CDH23: variants seen among roughly 807,000 people sequenced by gnomAD.
CDH23 encodes cadherin related 23.
Under a neutral mutation model 317.1 loss-of-function variants are expected in CDH23, and 189 were observed. The ratio of observed to expected loss-of-function variants is 0.60; its 90% CI spans 0.53 to 0.67. The LOEUF (loss-of-function observed/expected upper bound fraction) is 0.67. CDH23 is among the 30% of genes least tolerant of loss of function. The pLI, the probability that CDH23 is intolerant of heterozygous loss-of-function variation, is 0.00. For synonymous variants in CDH23, 1,839 were observed against 1,876.8 expected (o/e 0.98, Z 0.52); for missense variants, 4,401 against 4,592.4 (o/e 0.96, Z 1.20).
chr10:71,439,829 G>C lies in CDH23; in HGVS notation c.-3G>C, dbSNP rs1183500485. On this transcript the variant is annotated splice_region_variant and 5_prime_UTR_variant, in exon 2 of 70. Transcript: ENST00000224721. ...CTTCTCTTTCTTTGTGTCCCCAGGAGCCATGGGGCGCCATGTTGCCACCAG... is the reference window on the plus strand; with the variant it reads ...CTTCTCTTTCTTTGTGTCCCCAGGACCCATGGGGCGCCATGTTGCCACCAG... 3.2e-6 allele frequency: 5 copies of C among 1,561,764 alleles called. No homozygotes were observed. In the Admixed American group the frequency reaches 5.7e-5, roughly 18 times the overall value.
chr10:71,799,646 G>A lies in CDH23; in HGVS notation c.7362+17G>A. 6.2e-7 allele frequency: 1 copy of A among 1,614,012 alleles called. No homozygotes were observed. The highest frequency in any genetic ancestry group is 8.5e-7 in the Non-Finnish European group (1 of 1,179,898). ...CCCACCACGGTGAGCAGTGATGGAGGGCCTGGAATTTGGAAGTGGGAAGGA... is the reference window on the plus strand; with the variant it reads ...CCCACCACGGTGAGCAGTGATGGAGAGCCTGGAATTTGGAAGTGGGAAGGA... On this transcript the variant is annotated intron_variant, in intron 52 of 69. Transcript: ENST00000224721.
At chr10:71,520,012 T>A (rs75526706) in intron 6 of CDH23, among the ~76,000 whole-genome samples, 9,476 of 152,288 alleles carry the variant, frequency 0.062, 875 homozygotes, top group African/African-American at 0.19. Context: ...CTCACCACGC[T>A]GCCCAGGCTG....
At chr10:71,772,810 G>GAC (rs1840717714) in intron 38 of CDH23, among the ~76,000 whole-genome samples, 1 of 152,200 alleles carries the variant, frequency 6.6e-6, no homozygotes, top group Non-Finnish European at 1.5e-5. Context: ...GACCAGGTGG[G>GAC]CAGTGCTGCC....
In CDH23 at chr10:71,648,555, T is replaced by C. The variant is rs150962435; in HGVS notation, c.1449+1938T>C. On this transcript the variant is annotated intron_variant, in intron 14 of 69. Transcript: ENST00000224721. The stretch of plus-strand genomic sequence containing the variant: ...AGTTCCCATGGTCCTTGGAAAGGGA[T>C]GGGGAAAACCTATAGAGCCGGGAGG... Among the ~76,000 whole-genome samples, 663 of 152,210 alleles carry C rather than the reference T, an allele frequency of 4.4e-3. 2 individuals are homozygous for C. The highest frequency in any genetic ancestry group is 0.01 in the Middle Eastern group (3 of 294).
chr10:71,812,531 C>A lies in CDH23; in HGVS notation c.9432C>A (p.Ala3144=). The A allele has an allele frequency of 6.2e-7, 1 of 1,613,962 alleles. No individual in the cohort carries two copies. The highest frequency in any genetic ancestry group is 8.5e-7 in the Non-Finnish European group (1 of 1,179,898). ...TCTGTCGGAACCTGGAGCTGGCCGC[C>A]CAGGCGGAGCATGAGGATGACCTAC... ...DPFCRNLELA[A]QAEHEDDLPE... The change falls in exon 67 of 70, where the codon GCC becomes GCA. Residue 3144 remains alanine, a synonymous_variant. Coordinates refer to ENST00000224721, the MANE Select transcript of CDH23 (RefSeq NM_022124.6).
At chr10:71,441,322 G>A (rs545620774) in intron 2 of CDH23, among the ~76,000 whole-genome samples, 10 of 152,202 alleles carry the variant, frequency 6.6e-5, no homozygotes, top group African/African-American at 1.9e-4. Flanking sequence ...TTCGCTGCAC[G>A]GTGGGAGTCA....
At chr10:71,723,983 A>G (rs1866688594) in intron 28 of CDH23, 62 bp from the exon 29 acceptor site, 1 of 1,538,996 alleles carries the variant, frequency 6.5e-7, no homozygotes, top group Non-Finnish European at 8.8e-7. Context: ...GGAACTCTAA[A>G]AACCTCTTCT....
chr10:71,500,577 T>A (rs1384905864), intron 3 of CDH23, among the ~76,000 whole-genome samples: 3 of 152,188 alleles, frequency 2.0e-5, no homozygotes, highest in Non-Finnish European at 2.9e-5. Flanking sequence ...AGGGTCCACC[T>A]GGAGGCCGCC....
rs377312107 is a variant in CDH23, at chr10:71,815,382, G to C, written c.*104G>C. On this transcript the variant is annotated 3_prime_UTR_variant, in exon 70 of 70. Coordinates refer to ENST00000224721, the MANE Select transcript of CDH23 (RefSeq NM_022124.6). ...GGTCGGGGGGGACCCTCCAAGGCCA[G>C]GCCTTGGGGACAACCTTGGCTTGGC... is the stretch of plus-strand genomic sequence containing the variant. 250 of 1,143,036 alleles carry C rather than the reference G, an allele frequency of 2.2e-4. 1 individual carries two copies. The Middle Eastern group carries it at 2.2e-3, about 10-fold the overall frequency. The allele number at this position is 1,143,036 out of a possible 1,614,324, so 70.8% of individuals were successfully genotyped here. A position where few individuals can be genotyped will look rare whatever the true frequency, so the allele number is the denominator to read the frequency against.
chr10:71,796,416 C>A (rs2132960852), intron 48 of CDH23, among the ~76,000 whole-genome samples: 1 of 152,270 alleles, frequency 6.6e-6, no homozygotes, highest in South Asian at 2.1e-4. Flanking sequence ...GCCATGGAAC[C>A]AATGCTCCTG....
chr10:71,417,916 G>T lies in CDH23; in HGVS notation c.-6+20598G>T, dbSNP rs1848600851. Among the ~76,000 whole-genome samples the T allele has an allele frequency of 2.0e-5, 3 of 152,190 alleles. No individual in the cohort carries two copies. The South Asian group carries it at 6.2e-4, about 32-fold the overall frequency. On this transcript the variant is annotated intron_variant, in intron 1 of 69. Transcript: ENST00000224721. ...GAGCCACTGCACCCAGCTCATTCCAGTTATTTTCTGCGGGTCTATTTTCAG... is the reference window on the plus strand; with the variant it reads ...GAGCCACTGCACCCAGCTCATTCCATTTATTTTCTGCGGGTCTATTTTCAG...
intron 3 of CDH23, among the ~76,000 whole-genome samples, chr10:71,483,823 A>T (rs1305285892): frequency 6.6e-6 from 1 of 152,042 alleles, no homozygotes; most frequent in Non-Finnish European, 1.5e-5. Context: ...GTTTTGGTGT[A>T]CATGCTCACA....
intron 12 of CDH23, 111 bp downstream of exon 12, chr10:71,643,977 C>A: frequency 1.4e-6 from 1 of 708,976 alleles, no homozygotes; most frequent in South Asian, 1.5e-5. Context: ...CCCTCTCAGG[C>A]CCCCAGCTCC....
intron 9 of CDH23, among the ~76,000 whole-genome samples, chr10:71,594,743 A>G (rs780272228): frequency 4.6e-5 from 7 of 152,090 alleles, no homozygotes; most frequent in Non-Finnish European, 8.8e-5. Flanking sequence ...TGAAATATTC[A>G]CTATAGCCCT....
intron 41 of CDH23, 31 bp downstream of exon 41, chr10:71,779,478 G>A: frequency 1.9e-6 from 3 of 1,565,998 alleles, no homozygotes; most frequent in Non-Finnish European, 1.7e-6. Context: ...GCCACCCACA[G>A]GGTCTCACCT....
chr10:71,740,838 G>A lies in CDH23; in HGVS notation c.4505G>A (p.Arg1502Gln), dbSNP rs774355776. The change falls in exon 37 of 70, where the codon CGA (arginine) becomes CAA (glutamine). Residue 1502 changes from arginine to glutamine, a missense_variant. Physicochemically the swap from Arg to Gln is conservative, Grantham distance 43. Transcript: ENST00000224721. Reference protein sequence around the residue: ...HYILQVVASDRGTPPRKKDHI... With the variant: ...HYILQVVASDQGTPPRKKDHI... ...TCCTTGCAGGTTGTGGCTTCTGACC[G>A]AGGCACCCCTCCACGGAAGAAGGAC... 5.0e-6 allele frequency: 8 copies of A among 1,613,696 alleles called. No homozygotes were observed. The highest frequency in any genetic ancestry group is 1.1e-5 in the South Asian group (1 of 91,088).
intron 3 of CDH23, among the ~76,000 whole-genome samples, chr10:71,459,767 G>A (rs1024574045): frequency 6.6e-6 from 1 of 152,172 alleles, no homozygotes; most frequent in East Asian, 1.9e-4. Context: ...CTACTAGCAG[G>A]CTGACTGCCT....
intron 24 of CDH23, among the ~76,000 whole-genome samples, chr10:71,704,700 T>G (rs531299524): frequency 1.3e-5 from 2 of 152,266 alleles, no homozygotes; most frequent in South Asian, 2.1e-4. Context: ...ACTTGGTGCA[T>G]CTGGACGCCT....
chr10:71,417,123 T>G (rs1333713995), intron 1 of CDH23, among the ~76,000 whole-genome samples: 1 of 151,750 alleles, frequency 6.6e-6, no homozygotes, highest in Admixed American at 6.6e-5. Flanking sequence ...TCACCCAGGC[T>G]GGAGTGCAGT....
Sources: gnomAD v4.1 joint callset for allele counts (sites outside exome capture counted in the v4.1 genomes callset) on GRCh38, gnomAD v4.1.1 for gene constraint, MANE v1.5 for transcripts, NCBI Gene and HGNC (gene_info 2026-07-23, HGNC 2026-07-21) for gene names.